Variants in USP35 observed in about 807,000 individuals in gnomAD.
USP35 encodes the protein ubiquitin specific peptidase 35.
In USP35, 69 loss-of-function variants were observed where a neutral mutation model predicts 83.8. That is an observed-to-expected ratio of 0.82 (90% confidence interval 0.68 to 1.01). USP35 has a LOEUF of 1.01. USP35 is among the 50% of genes least tolerant of loss of function. The pLI is 0.00. For missense variants in USP35, 1,503 were observed against 1,362.5 expected (o/e 1.10, Z -1.62); for synonymous variants, 714 against 589.5 (o/e 1.21, Z -3.06).
At chr11:78,210,824 T>C in intron 10 of USP35, 80 bp downstream of exon 10, 1 of 1,396,984 alleles carries the variant, frequency 7.2e-7, no homozygotes, top group South Asian at 1.5e-5. Flanking sequence ...ATAAGTCATT[T>C]CCCCTCTAAG....
intron 9 of USP35, 49 bp downstream of exon 9, chr11:78,209,012 G>T (rs2134411442): frequency 1.3e-6 from 2 of 1,580,408 alleles, no homozygotes; most frequent in Non-Finnish European, 1.7e-6. Flanking sequence ...AGGGTCCTTG[G>T]GGGCAAGCCC....
intron 2 of USP35, 126 bp downstream of exon 2, chr11:78,197,044 A>G: frequency 7.3e-7 from 1 of 1,362,042 alleles, no homozygotes; most frequent in Non-Finnish European, 9.4e-7. Flanking sequence ...CAGGCGGCGA[A>G]TGCTCAGGTG....
rs1218899354 is a variant in USP35 at position 78,199,732 on chromosome 11, C to T, written c.936+8C>T. On this transcript the variant is annotated splice_region_variant and intron_variant, in intron 4 of 10. Transcript: ENST00000529308. Reference sequence around the variant, plus strand: ...CTCACCAAAATTGAGAAGGTTGGTGCCCCTGTCCTAGCCCAGAGTTACAGC... The same window carrying T: ...CTCACCAAAATTGAGAAGGTTGGTGTCCCTGTCCTAGCCCAGAGTTACAGC... 3.7e-6 allele frequency: 6 copies of T among 1,614,036 alleles called. No homozygotes were observed. The highest frequency in any genetic ancestry group is 2.2e-5 in the South Asian group (2 of 91,088).
the USP35 span, among the ~76,000 whole-genome samples, chr11:78,228,154 A>T: frequency 2.0e-5 from 3 of 152,172 alleles, no homozygotes; most frequent in African/African-American, 7.2e-5. Context: ...ATGATTTCTA[A>T]GGGCCCATCT....
At chr11:78,205,309 C>G in intron 6 of USP35, among the ~76,000 whole-genome samples, 1 of 152,236 alleles carries the variant, frequency 6.6e-6, no homozygotes, top group Middle Eastern at 3.2e-3. Context: ...ATGGGCACAT[C>G]ATTGTGTGCC....
At position 78,196,251 on chromosome 11, in the gene USP35, C is replaced by T; in HGVS notation, c.6C>T (p.Asp2=). 1 of 1,592,488 alleles carries T rather than the reference C, an allele frequency of 6.3e-7. No individual in the cohort carries two copies. The highest frequency in any genetic ancestry group is 1.1e-5 in the South Asian group (1 of 90,874). Reference sequence around the variant, plus strand: ...TCCTCCGCAGCGCGGGCGCCATGGACAAGATCTTGGAGGCGGTGGTGACGT... The same window carrying T: ...TCCTCCGCAGCGCGGGCGCCATGGATAAGATCTTGGAGGCGGTGGTGACGT... M[D]KILEAVVTSS... Residue 2 remains aspartate (D), a synonymous_variant, in exon 2 of 11, where the codon GAC becomes GAT. Transcript: ENST00000529308. The surrounding 1 kb of genome is among the most constrained non-coding windows in gnomAD (Gnocchi z 4.8).
the USP35 span, chr11:78,226,386 G>T: frequency 8.7e-7 from 1 of 1,152,640 alleles, no homozygotes; most frequent in South Asian, 1.2e-5. Flanking sequence ...GGCCATGGAT[G>T]ACCAAGGACC....
chr11:78,196,092 G>A lies in USP35; in HGVS notation c.-10-144G>A. ...TCAGGATAGCTCTCAGTGAAATGAC[G>A]CCCTTGCCCCATTTCACAGATGAGA... On this transcript the variant is annotated intron_variant, in intron 1 of 10. Coordinates refer to ENST00000529308, the MANE Select transcript of USP35 (RefSeq NM_020798.4). This position sits in a 1 kb window ranked among gnomAD's most constrained non-coding sequence, Gnocchi z 4.8. 1.1e-5 allele frequency: 14 copies of A among 1,312,592 alleles called. No homozygotes were observed. The highest frequency in any genetic ancestry group is 1.4e-5 in the Non-Finnish European group (14 of 1,010,400). 81.3% of individuals were successfully genotyped at this position (1,312,592 alleles called of 1,614,324 possible).
chr11:78,189,084 C>T lies in USP35; in HGVS notation c.-84C>T, dbSNP rs971342637. 66 of 529,160 alleles carry T rather than the reference C, an allele frequency of 1.2e-4. No individual in the cohort carries two copies. In the African/African-American group the frequency reaches 1.3e-3, roughly 10 times the overall value. 32.8% of individuals were successfully genotyped at this position (529,160 alleles called of 1,614,324 possible). The stretch of plus-strand genomic sequence containing the variant: ...GAGCAGAGGACCAGCCCTGACCTAG[C>T]CGGGCCCAGCCTCGTCCTGCCCGGC... On this transcript the variant is annotated 5_prime_UTR_variant, in exon 1 of 11. Transcript: ENST00000529308.
chr11:78,211,842 G>A (rs1202853098), intron 10 of USP35, among the ~76,000 whole-genome samples: 8 of 152,150 alleles, frequency 5.3e-5, no homozygotes. Flanking sequence ...CTGGATATCG[G>A]ACTTAGGTCA....
chr11:78,222,258 T>C, the USP35 span: 1 of 1,001,504 alleles, frequency 1.0e-6, no homozygotes, highest in Non-Finnish European at 1.6e-6. Context: ...ATACACACCT[T>C]ATATATAACA....
chr11:78,213,569 G>GTGT, intron 10 of USP35, 77 bp from the exon 11 acceptor site: 1 of 1,400,666 alleles, frequency 7.1e-7, no homozygotes. Context: ...ACATTGAAAG[G>GTGT]TGTTGTGCTG....
chr11:78,195,310 C>T (rs768779536), intron 1 of USP35, among the ~76,000 whole-genome samples: 7 of 152,168 alleles, frequency 4.6e-5, no homozygotes, highest in East Asian at 1.9e-4. Context: ...AAGGAAAAGA[C>T]GCTTGCTTGG....
intron 4 of USP35, 92 bp from the exon 5 acceptor site, chr11:78,200,041 T>C (rs1863293390): frequency 2.2e-6 from 3 of 1,384,014 alleles, no homozygotes; most frequent in South Asian, 1.2e-5. Context: ...GTTTGAACTC[T>C]AGGGTGTCTC....
Position 78,207,560 on chromosome 11 carries a change from G to T in USP35, c.1422G>T (p.Glu474Asp). Residue 474 changes from glutamate (E) to aspartate (D), a missense_variant, in exon 8 of 11, where the codon GAG (glutamate) becomes GAT (aspartate). Physicochemically the swap from Glu to Asp is conservative, Grantham distance 45. Coordinates refer to ENST00000529308, the MANE Select transcript of USP35 (RefSeq NM_020798.4). ...GACATTGTGTGCTCCGCTTGACTGA[G>T]AACAACTCACAGCCCCTGATGACCA... ...DFRHCVLRLT[E>D]NNSQPLMTKL... The T allele has an allele frequency of 6.2e-7, 1 of 1,614,150 alleles. No individual in the cohort carries two copies. The highest frequency in any genetic ancestry group is 1.3e-5 in the African/African-American group (1 of 75,048).
At chr11:78,223,454 G>C in the USP35 span, 2 of 1,583,980 alleles carry the variant, frequency 1.3e-6, no homozygotes, top group Non-Finnish European at 1.7e-6. Flanking sequence ...GGGGGTGGCT[G>C]AATCTCACTT....
chr11:78,227,577 T>G, the USP35 span, among the ~76,000 whole-genome samples: 2 of 149,202 alleles, frequency 1.3e-5, no homozygotes, highest in Non-Finnish European at 2.9e-5. Context: ...GGAGGTTCAC[T>G]TGAGGCCAGG....
At chr11:78,236,948 C>T in the USP35 span, among the ~76,000 whole-genome samples, 1 of 152,144 alleles carries the variant, frequency 6.6e-6, no homozygotes, top group South Asian at 2.1e-4. Flanking sequence ...GACTGCTAAT[C>T]CTTTGTTTTT....
Position 78,213,700 on chromosome 11 carries a change from TCTC to T in USP35, c.2946_2948del (p.Pro983del). 2 of 1,531,022 alleles carry T rather than the reference TCTC, an allele frequency of 1.3e-6. No homozygotes were observed. Among genetic ancestry groups the T allele is most frequent in the Non-Finnish European group, 1.7e-6 (2 of 1,149,136 alleles). The allele number at this position is 1,531,022 out of a possible 1,614,324, so 94.8% of individuals were successfully genotyped here. A position where few individuals can be genotyped will look rare whatever the true frequency, so the allele number is the denominator to read the frequency against. ...GGCCTACATCTCTGCACTCCCCACA[TCTC>T]CGCACTGGGGGAGGGGCTTTGATGA... On this transcript the variant is annotated inframe_deletion, in exon 11 of 11. Coordinates refer to ENST00000529308, the MANE Select transcript of USP35 (RefSeq NM_020798.4).
Sources: gnomAD v4.1 joint callset for allele counts (sites outside exome capture counted in the v4.1 genomes callset) on GRCh38, gnomAD v4.1.1 for gene constraint, Gnocchi (gnomAD v3.1) non-coding constraint, MANE v1.5 for transcripts, NCBI Gene and HGNC (gene_info 2026-07-23, HGNC 2026-07-21) for gene names.